ERC1: variants seen among roughly 807,000 people sequenced by gnomAD.
The protein encoded by ERC1 is RAB6 interacting protein 2.
Under a neutral mutation model 132.0 loss-of-function variants are expected in ERC1, and 56 were observed. The observed-to-expected ratio is 0.42, with a 90% CI of 0.34 to 0.53. The LOEUF (loss-of-function observed/expected upper bound fraction) is 0.53. Ranked by LOEUF, ERC1 falls within the 20% of genes least tolerant of loss-of-function variation. ERC1 has a pLI of 0.03. For missense variants in ERC1, 1,202 were observed against 1,349.9 expected, an observed-to-expected ratio of 0.89 and a Z score of 1.72; for synonymous variants, 478 against 476.1, an observed-to-expected ratio of 1.00 and a Z score of -0.05.
rs540196704 is a variant in ERC1 at position 1,335,454 on chromosome 12, A to G, written c.2781-36379A>G. On this transcript the variant is annotated intron_variant, in intron 15 of 18. Transcript: ENST00000360905. Reference sequence around the variant, plus strand: ...TTAACATGAAGCAATGTTGAATTTTATCGAAAGCCCTTTCTGCATCTGTTG... The same window carrying G: ...TTAACATGAAGCAATGTTGAATTTTGTCGAAAGCCCTTTCTGCATCTGTTG... Among the ~76,000 whole-genome samples, 12 of 152,306 alleles carry G rather than the reference A, an allele frequency of 7.9e-5. No individual in the cohort carries two copies. The South Asian group carries it at 2.5e-3, about 32-fold the overall frequency.
intron 14 of ERC1, among the ~76,000 whole-genome samples, chr12:1,286,995 A>C (rs2079082068): frequency 6.6e-6 from 1 of 152,212 alleles, no homozygotes; most frequent in Non-Finnish European, 1.5e-5. Flanking sequence ...CTTGAAGAGA[A>C]CAAGCTGAGA....
intron 15 of ERC1, among the ~76,000 whole-genome samples, chr12:1,316,787 T>C (rs988423319): frequency 6.6e-6 from 1 of 152,214 alleles, no homozygotes; most frequent in Non-Finnish European, 1.5e-5. Context: ...TGCACACGTA[T>C]GTTTATTGCA....
chr12:1,161,788 A>C (rs995519843), intron 8 of ERC1, among the ~76,000 whole-genome samples: 2 of 152,198 alleles, frequency 1.3e-5, no homozygotes, highest in Non-Finnish European at 2.9e-5. Flanking sequence ...TTGTTCCCTA[A>C]GGAAGAAGAA....
At chr12:1,016,635 C>CTTTTTTTTTTTT (rs397967271) in intron 1 of ERC1, among the ~76,000 whole-genome samples, 30 of 128,038 alleles carry the variant, frequency 2.3e-4, no homozygotes, top group African/African-American at 3.8e-4. Context: ...CTTTTCTTTT[C>CTTTTTTTTTTTT]TTTTTTTTTT....
At chr12:1,309,568 C>G (rs1390956897) in intron 15 of ERC1, among the ~76,000 whole-genome samples, 2 of 152,132 alleles carry the variant, frequency 1.3e-5, no homozygotes, top group Non-Finnish European at 2.9e-5. Context: ...TTTTTTTACT[C>G]TGACCCCAAT....
chr12:1,324,902 T>C (rs1264444339), intron 15 of ERC1, among the ~76,000 whole-genome samples: 1 of 152,176 alleles, frequency 6.6e-6, no homozygotes, highest in African/African-American at 2.4e-5. Context: ...CCACCTCACA[T>C]GGGCAGTCGC....
intron 3 of ERC1, among the ~76,000 whole-genome samples, chr12:1,096,061 G>A (rs1001471703): frequency 6.6e-6 from 1 of 151,872 alleles, no homozygotes; most frequent in African/African-American, 2.4e-5. Context: ...CAAGTGGCTG[G>A]GACTACACAT....
chr12:1,412,642 A>T (rs1300180954), intron 17 of ERC1, among the ~76,000 whole-genome samples: 1 of 152,208 alleles, frequency 6.6e-6, no homozygotes, highest in Non-Finnish European at 1.5e-5. Context: ...CAGACTGCAC[A>T]GCTTTGAATC....
chr12:1,293,037 T>C (rs1393895474), intron 15 of ERC1, among the ~76,000 whole-genome samples: 1 of 150,336 alleles, frequency 6.7e-6, no homozygotes, highest in Non-Finnish European at 1.5e-5. Context: ...CCAGCTACTC[T>C]GGAGGCTGAG....
intron 18 of ERC1, among the ~76,000 whole-genome samples, chr12:1,456,957 G>A (rs936901864): frequency 5.3e-4 from 80 of 152,198 alleles, no homozygotes; most frequent in African/African-American, 1.7e-3. Context: ...TTTAATTATT[G>A]TCATGTGCTA....
At chr12:1,352,708 C>G (rs1332391243) in intron 15 of ERC1, among the ~76,000 whole-genome samples, 2 of 150,696 alleles carry the variant, frequency 1.3e-5, no homozygotes, top group Non-Finnish European at 2.9e-5. Context: ...ACATAGTGGT[C>G]GCAGACATTT....
At chr12:1,213,368 G>T (rs1958056885) in intron 12 of ERC1, among the ~76,000 whole-genome samples, 1 of 152,154 alleles carries the variant, frequency 6.6e-6, no homozygotes, top group South Asian at 2.1e-4. Flanking sequence ...ATTTCAAGTG[G>T]GAAGAAAGTG....
intron 16 of ERC1, among the ~76,000 whole-genome samples, chr12:1,397,484 G>A (rs1308684459): frequency 6.6e-6 from 1 of 152,152 alleles, no homozygotes; most frequent in African/African-American, 2.4e-5. Context: ...CTGTAGAAAG[G>A]GATGAGAAAG....
intron 17 of ERC1, among the ~76,000 whole-genome samples, chr12:1,408,517 C>T (rs1252702568): frequency 6.6e-6 from 1 of 152,174 alleles, no homozygotes; most frequent in Non-Finnish European, 1.5e-5. Context: ...CTCAGAGATA[C>T]ACACTAATAA....
intron 2 of ERC1, among the ~76,000 whole-genome samples, chr12:1,053,542 G>A (rs1355503786): frequency 6.6e-6 from 1 of 152,154 alleles, no homozygotes; most frequent in African/African-American, 2.4e-5. Context: ...GGAAAGTATG[G>A]ACTTAACTGT....
intron 5 of ERC1, 45 bp from the exon 6 acceptor site, chr12:1,112,170 C>A (rs1205746475): frequency 2.2e-6 from 3 of 1,338,826 alleles, no homozygotes; most frequent in Non-Finnish European, 3.2e-6. Flanking sequence ...AAGAAGAAGA[C>A]CTAAGTTGAC....
chr12:1,172,075 A>G (rs1953122751), intron 8 of ERC1, among the ~76,000 whole-genome samples: 1 of 152,214 alleles, frequency 6.6e-6, no homozygotes, highest in Non-Finnish European at 1.5e-5. Context: ...TAACCATTTT[A>G]TTTCTGTTTC....
At chr12:1,286,985 C>G (rs7302582) in intron 14 of ERC1, among the ~76,000 whole-genome samples, 11,365 of 152,044 alleles carry the variant, frequency 0.075, 483 homozygotes, top group Middle Eastern at 0.15. Flanking sequence ...CTAAGATGCT[C>G]TTGAAGAGAA....
At chr12:1,283,095 T>A (rs2078796214) in intron 14 of ERC1, among the ~76,000 whole-genome samples, 1 of 152,198 alleles carries the variant, frequency 6.6e-6, no homozygotes, top group Non-Finnish European at 1.5e-5. Flanking sequence ...AATAGGTCTG[T>A]GGTAAAGTCA....
Sources: allele counts gnomAD v4.1 joint callset (sites outside exome capture counted in the v4.1 genomes callset), GRCh38; gene constraint gnomAD v4.1.1; transcripts MANE v1.5; gene names NCBI Gene and HGNC (gene_info 2026-07-23, HGNC 2026-07-21).